CREB5: variants seen among roughly 807,000 people sequenced by gnomAD.
The protein encoded by CREB5 is cyclic AMP-responsive element-binding protein 5.
Under a neutral mutation model 57.1 loss-of-function variants are expected in CREB5, and 19 were observed. The observed-to-expected ratio is 0.33, with a 90% confidence interval of 0.23 to 0.49. The LOEUF is 0.49. CREB5 is among the 20% of genes least tolerant of loss of function. The pLI is 0.99. For missense variants in CREB5, 579 were observed against 671.6 expected (o/e 0.86, Z 1.52); for synonymous variants, 238 against 238.3 (o/e 1.00, Z 0.01).
intron 1 of CREB5, among the ~76,000 whole-genome samples, chr7:28,458,291 C>G (rs1309476407): frequency 6.6e-6 from 1 of 152,148 alleles, no homozygotes; most frequent in African/African-American, 2.4e-5. Context: ...TATAAACTGA[C>G]TAGGATCTGA....
chr7:28,551,654 C>T (rs779955182), intron 4 of CREB5, among the ~76,000 whole-genome samples: 2 of 152,178 alleles, frequency 1.3e-5, no homozygotes, highest in African/African-American at 2.4e-5. Flanking sequence ...AAAGAAAGCT[C>T]TGAGTGGTCC....
intron 4 of CREB5, among the ~76,000 whole-genome samples, chr7:28,548,987 C>T (rs1794520152): frequency 6.6e-6 from 1 of 152,078 alleles, no homozygotes; most frequent in Non-Finnish European, 1.5e-5. Flanking sequence ...AAATAATACA[C>T]AGATATTAAA....
chr7:28,592,379 A>G (rs775982414), intron 5 of CREB5, among the ~76,000 whole-genome samples: 103 of 152,378 alleles, frequency 6.8e-4, no homozygotes, highest in Admixed American at 1.2e-3. Context: ...AGAGACCGGT[A>G]TCTCCATTTT....
chr7:28,738,651 A>G (rs1244400587), intron 7 of CREB5, among the ~76,000 whole-genome samples: 1 of 152,240 alleles, frequency 6.6e-6, no homozygotes, highest in East Asian at 1.9e-4. Context: ...CTTAATGACC[A>G]GAGAGTCTAC....
chr7:28,349,123 G>T (rs1033164908), intron 1 of CREB5, among the ~76,000 whole-genome samples: 9 of 152,142 alleles, frequency 5.9e-5, no homozygotes, highest in South Asian at 2.1e-4. Flanking sequence ...CCTAAGTGAA[G>T]ACAGTCCACC....
intron 5 of CREB5, among the ~76,000 whole-genome samples, chr7:28,588,964 C>G (rs1796396661): frequency 6.6e-6 from 1 of 152,196 alleles, no homozygotes; most frequent in African/African-American, 2.4e-5. Flanking sequence ...CTCTTCCCAC[C>G]TGCCCAGCTT....
intron 5 of CREB5, among the ~76,000 whole-genome samples, chr7:28,624,707 C>CTGAT (rs747893341): frequency 1.1e-3 from 158 of 145,994 alleles, no homozygotes; most frequent in Non-Finnish European, 1.8e-3. Flanking sequence ...TCTTGAAGAA[C>CTGAT]TGATTTCTTA....
chr7:28,346,006 C>A (rs1786051019), intron 1 of CREB5, among the ~76,000 whole-genome samples: 1 of 152,112 alleles, frequency 6.6e-6, no homozygotes. Flanking sequence ...ACACAGATAC[C>A]ACATTATCCG....
At chr7:28,729,790 C>T (rs1001787373) in intron 7 of CREB5, among the ~76,000 whole-genome samples, 7 of 152,208 alleles carry the variant, frequency 4.6e-5, no homozygotes, top group African/African-American at 1.7e-4. Context: ...GTGCTATTGA[C>T]TTTAAAGAAG....
At chr7:28,317,358 AG>A (rs1353039628) in intron 1 of CREB5, among the ~76,000 whole-genome samples, 1 of 152,238 alleles carries the variant, frequency 6.6e-6, no homozygotes, top group African/African-American at 2.4e-5. Context: ...AAGAGCAAAC[AG>A]GCAGTTTTTC....
rs1339360524 is a variant in CREB5, at chr7:28,737,289, CTGT to C, written c.702+12965_702+12967del. Among the ~76,000 whole-genome samples the C allele has an allele frequency of 4.6e-5, 7 of 151,752 alleles. No individual in the cohort carries two copies. The South Asian group carries it at 8.3e-4, about 18-fold the overall frequency. On this transcript the variant is annotated intron_variant, in intron 7 of 10. Transcript: ENST00000357727. ...TTGGAATTAAGAATAAAATTTTTTG[CTGT>C]TGTTGTTCTTTTTAAGAAGCAAGGT... is the stretch of plus-strand genomic sequence containing the variant.
rs541413067 is a variant in CREB5 at position 28,601,083 on chromosome 7, A to C, written c.464+30546A>C. On this transcript the variant is annotated intron_variant, in intron 5 of 10. Coordinates refer to ENST00000357727, the MANE Select transcript of CREB5 (RefSeq NM_182898.4). Reference sequence around the variant, plus strand: ...AAAGGAGTATGTAAAATTCTCAAGAATGGATTATCTCTCTCCAAATCATCA... The same window carrying C: ...AAAGGAGTATGTAAAATTCTCAAGACTGGATTATCTCTCTCCAAATCATCA... Among the ~76,000 whole-genome samples the C allele has an allele frequency of 5.4e-4, 82 of 152,310 alleles. 2 individuals carry two copies. Among genetic ancestry groups the C allele is most frequent in the African/African-American group, 1.9e-3 (78 of 41,570 alleles).
chr7:28,364,323 C>A (rs956229667), intron 1 of CREB5, among the ~76,000 whole-genome samples: 3 of 152,194 alleles, frequency 2.0e-5, no homozygotes, highest in Non-Finnish European at 4.4e-5. Flanking sequence ...TAAGAAAAAA[C>A]TCTAGCTCTT....
At chr7:28,396,776 C>T (rs1787345266) in intron 1 of CREB5, among the ~76,000 whole-genome samples, 1 of 152,100 alleles carries the variant, frequency 6.6e-6, no homozygotes, top group African/African-American at 2.4e-5. Flanking sequence ...TTCAGAAATA[C>T]CCAGTAACAT....
At chr7:28,659,273 G>T (rs754883914) in intron 5 of CREB5, among the ~76,000 whole-genome samples, 3 of 152,114 alleles carry the variant, frequency 2.0e-5, no homozygotes. Context: ...CACTTCAGAA[G>T]ATGGAAATGG....
At chr7:28,621,325 T>C (rs183624884) in intron 5 of CREB5, among the ~76,000 whole-genome samples, 23 of 152,286 alleles carry the variant, frequency 1.5e-4, no homozygotes, top group African/African-American at 5.5e-4. Flanking sequence ...GTTATGATAG[T>C]TATGAACAAG....
At position 28,822,354 on chromosome 7, in the gene CREB5, C is replaced by A. The variant is rs1809820681; in HGVS notation, c.*3075C>A. ...ACCTAAAGGCCCAGCCGTCACCAGA[C>A]AACAGAATAATCAATCTGCCTGAAA... On this transcript the variant is annotated 3_prime_UTR_variant, in exon 11 of 11. Transcript: ENST00000357727. The A allele has an allele frequency of 6.6e-6, 1 of 152,640 alleles. No homozygotes were observed. The highest frequency in any genetic ancestry group is 2.4e-5 in the African/African-American group (1 of 41,460). 9.5% of individuals were successfully genotyped at this position (152,640 alleles called of 1,614,324 possible).
Position 28,602,771 on chromosome 7 carries a change from G to GT in CREB5, c.464+32238dup, listed in dbSNP as rs1796973237. Among the ~76,000 whole-genome samples, 3 of 152,294 alleles carry GT rather than the reference G, an allele frequency of 2.0e-5. No individual in the cohort carries two copies. The South Asian group carries it at 6.2e-4, about 32-fold the overall frequency. On this transcript the variant is annotated intron_variant, in intron 5 of 10. Transcript: ENST00000357727. ...GAGGAATCCTTGTGGTGATGGAACAGTTTTGTGTCTTGATTTGGTCATGGC... is the reference window on the plus strand; with the variant it reads ...GAGGAATCCTTGTGGTGATGGAACAGTTTTTGTGTCTTGATTTGGTCATGGC...
chr7:28,427,185 T>C (rs1788542093), intron 1 of CREB5, among the ~76,000 whole-genome samples: 1 of 152,240 alleles, frequency 6.6e-6, no homozygotes, highest in Non-Finnish European at 1.5e-5. Context: ...TTACATTCTC[T>C]TGCATTCTTT....
Sources: gnomAD v4.1 joint callset for allele counts (sites outside exome capture counted in the v4.1 genomes callset) on GRCh38, gnomAD v4.1.1 for gene constraint, MANE v1.5 for transcripts, NCBI Gene and HGNC (gene_info 2026-07-23, HGNC 2026-07-21) for gene names.